The following NUP214 variants were observed in gnomAD, a reference collection of about 807,000 sequenced individuals.
NUP214 encodes nuclear pore complex protein Nup214.
A neutral mutation model predicts 196.2 loss-of-function variants in NUP214; 79 were observed. That is an observed-to-expected ratio of 0.40 (90% confidence interval 0.34 to 0.49). NUP214 has a LOEUF of 0.49. Ranked by LOEUF, NUP214 falls within the 20% of genes least tolerant of loss-of-function variation. The probability of loss-of-function intolerance (pLI) is 0.58; values close to 1 mark genes in which losing one functional copy is unlikely to be tolerated. For synonymous variants in NUP214, 1,020 were observed against 990.5 expected, an observed-to-expected ratio of 1.03 and a Z score of -0.56; for missense variants, 2,468 against 2,539.0, an observed-to-expected ratio of 0.97 and a Z score of 0.60.
rs955391606 is a variant in NUP214 at position 131,146,878 on chromosome 9, C to T, written c.1945+574C>T. Among the ~76,000 whole-genome samples, 4 of 150,462 alleles carry T rather than the reference C, an allele frequency of 2.7e-5. No homozygotes were observed. The highest frequency in any genetic ancestry group is 6.6e-5 in the Admixed American group (1 of 15,098). On this transcript the variant is annotated intron_variant, in intron 13 of 35. Coordinates refer to ENST00000359428, the MANE Select transcript of NUP214 (RefSeq NM_005085.4). The surrounding 1 kb of genome is among the most constrained non-coding windows in gnomAD (Gnocchi z 4.6). ...CTAGGAGGCAGAGATTGCAGGGAGTCGAGATCACGCCACTGCTCTCCAGCC... is the reference window on the plus strand; with the variant it reads ...CTAGGAGGCAGAGATTGCAGGGAGTTGAGATCACGCCACTGCTCTCCAGCC...
chr9:131,227,219 G>T (rs181504397), intron 32 of NUP214, among the ~76,000 whole-genome samples: 1 of 152,364 alleles, frequency 6.6e-6, no homozygotes, highest in Non-Finnish European at 1.5e-5. Context: ...CTGCCTGACA[G>T]GCATCACCAG....
intron 31 of NUP214, among the ~76,000 whole-genome samples, chr9:131,222,313 T>C (rs1834585085): frequency 6.6e-6 from 1 of 152,180 alleles, no homozygotes; most frequent in Admixed American, 6.5e-5. Flanking sequence ...TTTGCCTGGG[T>C]TGGATTTGTT....
At position 131,198,511 on chromosome 9, in the gene NUP214, G is replaced by T. The variant is rs61735510; in HGVS notation, c.5017G>T (p.Val1673Leu). The change falls in exon 29 of 36, where the codon GTG (valine) becomes TTG (leucine). Residue 1673 changes from valine to leucine, a missense_variant. Around this residue, in one of 5 missense-constraint regions of NUP214, gnomAD observed 1,801 missense variants for 1,779.4 expected, o/e 1.01. Transcript: ENST00000359428. ...NTATAPSATPVFGQVAASTAP... is the reference protein window; with the variant it reads ...NTATAPSATPLFGQVAASTAP... ...AGCCACTGCCCCCTCTGCCACGCCC[G>T]TGTTTGGGCAAGTGGCAGCCAGCAC... is the stretch of plus-strand genomic sequence containing the variant. 3.2e-5 allele frequency: 51 copies of T among 1,614,098 alleles called. No individual in the cohort carries two copies. The highest frequency in any genetic ancestry group is 4.2e-5 in the Non-Finnish European group (49 of 1,180,046).
chr9:131,192,330 C>A, intron 27 of NUP214, 38 bp downstream of exon 27: 2 of 1,171,034 alleles, frequency 1.7e-6, no homozygotes, highest in Non-Finnish European at 2.5e-6. Flanking sequence ...AAATTACTAG[C>A]AATTAGCTTC....
At chr9:131,138,273 C>T (rs1435760815) in intron 9 of NUP214, among the ~76,000 whole-genome samples, 1 of 149,168 alleles carries the variant, frequency 6.7e-6, no homozygotes, top group East Asian at 2.0e-4. Context: ...GGCCAGAGTG[C>T]AGTGGTATGA....
At position 131,199,006 on chromosome 9, in the gene NUP214, C is replaced by A; in HGVS notation, c.5512C>A (p.Gln1838Lys). ...AGCAACCTCTGGGTTCAGCTTTTGCCAAGCTTCAGGTAAGAATTTGTGGAA... is the reference window on the plus strand; with the variant it reads ...AGCAACCTCTGGGTTCAGCTTTTGCAAAGCTTCAGGTAAGAATTTGTGGAA... Reference protein sequence around the residue: ...TAATSGFSFCQASGFGSSNTG... With the variant: ...TAATSGFSFCKASGFGSSNTG... The change falls in exon 29 of 36, where the codon CAA becomes AAA. Residue 1838 changes from glutamine (Q) to lysine (K), a missense_variant. Transcript: ENST00000359428. The A allele has an allele frequency of 6.3e-7, 1 of 1,592,500 alleles. No individual in the cohort carries two copies. The highest frequency in any genetic ancestry group is 8.6e-7 in the Non-Finnish European group (1 of 1,167,718).
intron 24 of NUP214, among the ~76,000 whole-genome samples, chr9:131,185,864 TAGA>T (rs1564199715): frequency 6.6e-6 from 1 of 152,250 alleles, no homozygotes; most frequent in Non-Finnish European, 1.5e-5. Context: ...CACAAATAAA[TAGA>T]ATAATAATTA....
intron 13 of NUP214, 32 bp from the exon 14 acceptor site, chr9:131,147,458 C>T (rs1037251134): frequency 1.4e-6 from 2 of 1,476,396 alleles, no homozygotes; most frequent in Non-Finnish European, 1.9e-6. Flanking sequence ...TAATAAATGC[C>T]ATCTATTTTA....
At chr9:131,209,080 A>T (rs548720704) in intron 30 of NUP214, among the ~76,000 whole-genome samples, 1 of 151,770 alleles carries the variant, frequency 6.6e-6, no homozygotes, top group Non-Finnish European at 1.5e-5. Context: ...TTTGAAAACC[A>T]TATGCTAAGG....
intron 16 of NUP214, among the ~76,000 whole-genome samples, chr9:131,151,298 C>T (rs1277701456): frequency 6.6e-6 from 1 of 152,002 alleles, no homozygotes; most frequent in Non-Finnish European, 1.5e-5. Flanking sequence ...ATACTGTTAC[C>T]CTATTTTGCA....
chr9:131,150,824 A>G, intron 16 of NUP214, 59 bp downstream of exon 16: 2 of 1,510,008 alleles, frequency 1.3e-6, no homozygotes, highest in Non-Finnish European at 1.8e-6. Flanking sequence ...TTTTTCTCCT[A>G]GTACTCCATG....
chr9:131,147,667 T>C (rs904595658), intron 14 of NUP214, 83 bp downstream of exon 14: 2 of 1,073,856 alleles, frequency 1.9e-6, no homozygotes, highest in African/African-American at 3.1e-5. Flanking sequence ...AGTTTTCATG[T>C]TTTATAATTC....
At chr9:131,215,755 A>G (rs897115631) in intron 31 of NUP214, among the ~76,000 whole-genome samples, 1 of 152,148 alleles carries the variant, frequency 6.6e-6, no homozygotes, top group African/African-American at 2.4e-5. Flanking sequence ...TTTCATTTGG[A>G]TAGTACTCTC....
At position 131,192,195 on chromosome 9, in the gene NUP214, T is replaced by TTTG; in HGVS notation, c.3575-13_3575-12insTTG. 4 of 1,224,626 alleles carry TTTG rather than the reference T, an allele frequency of 3.3e-6. No homozygotes were observed. Among genetic ancestry groups the TTTG allele is most frequent in the Non-Finnish European group, 4.6e-6 (4 of 877,354 alleles). The allele number at this position is 1,224,626 out of a possible 1,614,324, so 75.9% of individuals were successfully genotyped here. On this transcript the variant is annotated splice_polypyrimidine_tract_variant and intron_variant, in intron 26 of 35. Coordinates refer to ENST00000359428, the MANE Select transcript of NUP214 (RefSeq NM_005085.4). ...TTTTTTTTTTTTTTTTTTTTTTTTT[T>TTTG]CCATAATTTCAGGGACAGCCAAGAT...
At chr9:131,150,468 A>G in intron 15 of NUP214, 58 bp downstream of exon 15, 2 of 1,586,726 alleles carry the variant, frequency 1.3e-6, no homozygotes, top group East Asian at 2.2e-5. Flanking sequence ...TGGATGGGTC[A>G]GAGTGCCAAC....
chr9:131,196,582 C>T (rs1369114715), intron 28 of NUP214, among the ~76,000 whole-genome samples: 1 of 152,150 alleles, frequency 6.6e-6, no homozygotes, highest in Non-Finnish European at 1.5e-5. Flanking sequence ...TCTAGATTTT[C>T]CAAATGGGGG....
At chr9:131,221,128 G>A (rs1834543124) in intron 31 of NUP214, among the ~76,000 whole-genome samples, 1 of 152,230 alleles carries the variant, frequency 6.6e-6, no homozygotes, top group South Asian at 2.1e-4. Flanking sequence ...GAAGGAATCA[G>A]ACGTAACTTT....
At chr9:131,184,436 C>T (rs952901317) in intron 24 of NUP214, among the ~76,000 whole-genome samples, 1 of 151,032 alleles carries the variant, frequency 6.6e-6, no homozygotes, top group Non-Finnish European at 1.5e-5. Context: ...CGGGTTCAAG[C>T]GATTCTCATG....
chr9:131,219,284 G>A (rs1204595202), intron 31 of NUP214, among the ~76,000 whole-genome samples: 2 of 152,192 alleles, frequency 1.3e-5, no homozygotes, highest in Admixed American at 6.5e-5. Context: ...GTCCAGCTGC[G>A]TTTCCCGAGC....
Sources: allele counts gnomAD v4.1 joint callset (sites outside exome capture counted in the v4.1 genomes callset), GRCh38; gene constraint gnomAD v4.1.1; regional missense constraint gnomAD v4.1.1; non-coding constraint Gnocchi (gnomAD v3.1); transcripts MANE v1.5; gene names NCBI Gene and HGNC (gene_info 2026-07-23, HGNC 2026-07-21).